Variants in RNF144B observed in about 807,000 individuals in gnomAD.
RNF144B encodes the protein E3 ubiquitin-protein ligase RNF144B.
A neutral mutation model predicts 40.2 loss-of-function variants in RNF144B; 25 were observed. That is an observed-to-expected ratio of 0.62 (90% CI 0.45 to 0.87). The LOEUF (loss-of-function observed/expected upper bound fraction) is 0.87, where lower values mean the gene tolerates loss of function less well. Among genes scored for constraint, RNF144B ranks in the 40% least tolerant of loss-of-function variants. RNF144B has a pLI of 0.00. For synonymous variants in RNF144B, 145 were observed against 136.3 expected (o/e 1.06, Z -0.44); for missense variants, 365 against 373.7 (o/e 0.98, Z 0.19).
At chr6:18,396,505 A>G (rs558776356) in intron 1 of RNF144B, 6 of 985,128 alleles carry the variant, frequency 6.1e-6, no homozygotes, top group Admixed American at 6.1e-5. Context: ...AGGATTGGCT[A>G]TTCACACCAG....
In RNF144B at chr6:18,444,577, A is replaced by C. The variant is rs1025371927; in HGVS notation, c.331+4833A>C. Among the ~76,000 whole-genome samples the C allele has an allele frequency of 1.3e-5, 2 of 151,856 alleles. No homozygotes were observed. The highest frequency in any genetic ancestry group is 4.8e-5 in the African/African-American group (2 of 41,304). On this transcript the variant is annotated intron_variant, in intron 4 of 7. Transcript: ENST00000259939. This position sits in a 1 kb window ranked among gnomAD's most constrained non-coding sequence, Gnocchi z 4.3. Reference sequence around the variant, plus strand: ...CTGCAAGTTGCTTCCGTTCCTTGCTAGGTTGATGTATCTGTTCTTGAATAT... The same window carrying C: ...CTGCAAGTTGCTTCCGTTCCTTGCTCGGTTGATGTATCTGTTCTTGAATAT...
intron 3 of RNF144B, among the ~76,000 whole-genome samples, chr6:18,429,768 C>T (rs1205379472): frequency 6.6e-6 from 1 of 152,122 alleles, no homozygotes; most frequent in Non-Finnish European, 1.5e-5. Context: ...CCAGGAAAGA[C>T]ACTTCCTTTT....
rs1758974114 is a variant in RNF144B, at chr6:18,441,919, G to A, written c.331+2175G>A. On this transcript the variant is annotated intron_variant, in intron 4 of 7. Transcript: ENST00000259939. The surrounding 1 kb of genome is among the most constrained non-coding windows in gnomAD (Gnocchi z 4.9). ...TGGCAATAAAAATAACTTAAAAGTA[G>A]CACGTTTTAAATTAAATTATTCTCA... Among the ~76,000 whole-genome samples, 1 of 152,218 alleles carries A rather than the reference G, an allele frequency of 6.6e-6. No individual in the cohort carries two copies. The highest frequency in any genetic ancestry group is 1.5e-5 in the Non-Finnish European group (1 of 68,032).
At position 18,441,834 on chromosome 6, in the gene RNF144B, T is replaced by C. The variant is rs890719007; in HGVS notation, c.331+2090T>C. 6.6e-5 allele frequency among the ~76,000 whole-genome samples: 10 copies of C among 152,228 alleles called. No homozygotes were observed. Among genetic ancestry groups the C allele is most frequent in the Non-Finnish European group, 1.5e-4 (10 of 68,036 alleles). On this transcript the variant is annotated intron_variant, in intron 4 of 7. Coordinates refer to ENST00000259939, the MANE Select transcript of RNF144B (RefSeq NM_182757.4). The surrounding 1 kb of genome is among the most constrained non-coding windows in gnomAD (Gnocchi z 4.9). Reference sequence around the variant, plus strand: ...TTGTGATGAGGATTATGTGAATTAATACTTGTAAAGCACTTCCTGTGAGTG... The same window carrying C: ...TTGTGATGAGGATTATGTGAATTAACACTTGTAAAGCACTTCCTGTGAGTG...
At chr6:18,392,590 G>T (rs963419084) in intron 1 of RNF144B, among the ~76,000 whole-genome samples, 3 of 151,948 alleles carry the variant, frequency 2.0e-5, no homozygotes, top group Admixed American at 6.6e-5. Context: ...TTGAAATGAC[G>T]ATGTTAAAAC....
intron 2 of RNF144B, among the ~76,000 whole-genome samples, chr6:18,421,941 T>C (rs544700423): frequency 7.2e-5 from 11 of 152,292 alleles, no homozygotes; most frequent in Non-Finnish European, 1.5e-4. Flanking sequence ...GCTTTTTCCT[T>C]TAATCATTTG....
intron 4 of RNF144B, among the ~76,000 whole-genome samples, chr6:18,452,117 A>T (rs929489480): frequency 6.6e-6 from 1 of 152,238 alleles, no homozygotes; most frequent in African/African-American, 2.4e-5. Flanking sequence ...TCAAGATGGT[A>T]TTATTAGTAT....
chr6:18,397,355 G>A (rs1168495352), intron 1 of RNF144B, among the ~76,000 whole-genome samples: 1 of 152,126 alleles, frequency 6.6e-6, no homozygotes, highest in Non-Finnish European at 1.5e-5. Flanking sequence ...AAAAGAGCTT[G>A]GTTCTTGTAG....
At chr6:18,427,765 AC>A in intron 3 of RNF144B, 80 bp downstream of exon 3, 1 of 921,590 alleles carries the variant, frequency 1.1e-6, no homozygotes, top group Non-Finnish European at 1.7e-6. Context: ...GTATTTCCCT[AC>A]CAGGGAGTCT....
rs1347818182 is a variant in RNF144B at position 18,417,995 on chromosome 6, A to G, written c.166-9586A>G. 3.3e-5 allele frequency among the ~76,000 whole-genome samples: 5 copies of G among 152,236 alleles called. No homozygotes were observed. The East Asian group carries it at 9.6e-4, about 29-fold the overall frequency. On this transcript the variant is annotated intron_variant, in intron 2 of 7. Transcript: ENST00000259939. ...CAATAAGCATGTGAAAAGATGCTCA[A>G]AATCACTAGCCAACAGGGCAATGCA...
At chr6:18,463,767 G>A (rs933096296) in intron 7 of RNF144B, among the ~76,000 whole-genome samples, 10 of 152,182 alleles carry the variant, frequency 6.6e-5, no homozygotes, top group South Asian at 2.1e-4. Context: ...CCTGAGACTA[G>A]GTTAGTTATT....
intron 1 of RNF144B, among the ~76,000 whole-genome samples, chr6:18,393,484 C>G (rs1033408815): frequency 3.3e-5 from 5 of 152,208 alleles, no homozygotes; most frequent in African/African-American, 9.6e-5. Flanking sequence ...ATGCTCAGCA[C>G]TTTACTAGAC....
At chr6:18,437,144 T>C (rs1308268934) in intron 3 of RNF144B, among the ~76,000 whole-genome samples, 4 of 152,040 alleles carry the variant, frequency 2.6e-5, no homozygotes, top group Non-Finnish European at 5.9e-5. Context: ...AACAAATATT[T>C]AGAAAAAATG....
Position 18,457,510 on chromosome 6 carries a change from A to G in RNF144B, c.536+151A>G. 1 of 656,832 alleles carries G rather than the reference A, an allele frequency of 1.5e-6. No individual in the cohort carries two copies. 40.7% of individuals were successfully genotyped at this position (656,832 alleles called of 1,614,324 possible). Reference sequence around the variant, plus strand: ...CCTGAGAAGTGTCTCAGAATTGGTAAGTTGCCAACAAAAAAGCATTTCTAG... The same window carrying G: ...CCTGAGAAGTGTCTCAGAATTGGTAGGTTGCCAACAAAAAAGCATTTCTAG... On this transcript the variant is annotated intron_variant, in intron 5 of 7. Transcript: ENST00000259939. The surrounding 1 kb of genome is among the most constrained non-coding windows in gnomAD (Gnocchi z 5.1).
Position 18,450,796 on chromosome 6 carries a change from G to A in RNF144B, c.332-6359G>A, listed in dbSNP as rs369781785. Among the ~76,000 whole-genome samples, 130 of 152,284 alleles carry A rather than the reference G, an allele frequency of 8.5e-4. No individual in the cohort carries two copies. The highest frequency in any genetic ancestry group is 3.4e-3 in the Middle Eastern group (1 of 294). ...TAATTCTAATATCCAGAAAAAGTCTGTTCTCTCTTCTACAGCTTCTAAATG... is the reference window on the plus strand; with the variant it reads ...TAATTCTAATATCCAGAAAAAGTCTATTCTCTCTTCTACAGCTTCTAAATG... On this transcript the variant is annotated intron_variant, in intron 4 of 7. Coordinates refer to ENST00000259939, the MANE Select transcript of RNF144B (RefSeq NM_182757.4). The surrounding 1 kb of genome is among the most constrained non-coding windows in gnomAD (Gnocchi z 4.7).
At chr6:18,402,548 G>A (rs1411889929) in intron 2 of RNF144B, among the ~76,000 whole-genome samples, 1 of 30,934 alleles carries the variant, frequency 3.2e-5, no homozygotes, top group Non-Finnish European at 9.0e-5. Context: ...AGGGATGTAA[G>A]GCACATTTGC....
At chr6:18,427,275 G>A (rs1354894065) in intron 2 of RNF144B, among the ~76,000 whole-genome samples, 30 of 151,988 alleles carry the variant, frequency 2.0e-4, no homozygotes. Flanking sequence ...TTTAAAGGAG[G>A]GGGCCTTTAG....
rs527656559 is a variant in RNF144B at position 18,450,599 on chromosome 6, G to C, written c.332-6556G>C. Among the ~76,000 whole-genome samples, 10 of 152,216 alleles carry C rather than the reference G, an allele frequency of 6.6e-5. No individual in the cohort carries two copies. Among genetic ancestry groups the C allele is most frequent in the African/African-American group, 1.9e-4 (8 of 41,540 alleles). The stretch of plus-strand genomic sequence containing the variant: ...CAGTTGTGAGCCACCACACCCAGCT[G>C]AGTTTCTAAGGTGTAAATATTAATA... On this transcript the variant is annotated intron_variant, in intron 4 of 7. Transcript: ENST00000259939. This position sits in a 1 kb window ranked among gnomAD's most constrained non-coding sequence, Gnocchi z 4.7.
intron 2 of RNF144B, among the ~76,000 whole-genome samples, chr6:18,404,436 T>C (rs1447568524): frequency 6.6e-6 from 1 of 152,290 alleles, no homozygotes; most frequent in South Asian, 2.1e-4. Context: ...GGGTTGACAA[T>C]ACCTACCTTT....
Sources: allele counts gnomAD v4.1 joint callset (sites outside exome capture counted in the v4.1 genomes callset), GRCh38; gene constraint gnomAD v4.1.1; non-coding constraint Gnocchi (gnomAD v3.1); transcripts MANE v1.5; gene names NCBI Gene and HGNC (gene_info 2026-07-23, HGNC 2026-07-21).